COL2A1: variants seen among roughly 807,000 people sequenced by gnomAD.
The protein encoded by COL2A1 is collagen alpha-1(II) chain.
In COL2A1, 28 loss-of-function variants were observed where a neutral mutation model predicts 204.5. The observed-to-expected ratio is 0.14, with a 90% CI of 0.10 to 0.19. The LOEUF (loss-of-function observed/expected upper bound fraction) is 0.19, where lower values mean the gene tolerates loss of function less well. COL2A1 is among the 10% of genes least tolerant of loss of function. The pLI is 1.00. For synonymous variants in COL2A1, 708 were observed against 718.7 expected, an observed-to-expected ratio of 0.99 and a Z score of 0.24; for missense variants, 1,388 against 2,027.5, an observed-to-expected ratio of 0.68 and a Z score of 6.06.
intron 2 of COL2A1, among the ~76,000 whole-genome samples, chr12:47,999,300 G>A (rs1004600082): frequency 5.3e-5 from 8 of 152,184 alleles, no homozygotes; most frequent in African/African-American, 1.9e-4. Flanking sequence ...GATACATGGG[G>A]CTCTGTCTCC....
At chr12:47,989,325 T>C in intron 17 of COL2A1, 44 bp from the exon 18 acceptor site, 1 of 1,572,140 alleles carries the variant, frequency 6.4e-7, no homozygotes, top group Non-Finnish European at 8.7e-7. Flanking sequence ...ATGCCAGTTC[T>C]GGCCTCCAAA....
intron 11 of COL2A1, 59 bp downstream of exon 11, chr12:47,995,195 AC>A: frequency 6.8e-7 from 1 of 1,473,784 alleles, no homozygotes; most frequent in South Asian, 1.1e-5. Context: ...CCAAGCACAC[AC>A]CCTCTCCAGG....
rs2136511979 is a variant in COL2A1, at chr12:47,975,498, G to A, written c.3705C>T (p.Pro1235=). 6.2e-7 allele frequency: 1 copy of A among 1,613,064 alleles called. No individual in the cohort carries two copies. Among genetic ancestry groups the A allele is most frequent in the Non-Finnish European group, 8.5e-7 (1 of 1,180,022 alleles). The change falls in exon 51 of 54, where the codon CCC becomes CCT. Residue 1235 remains proline (P), a synonymous_variant. Coordinates refer to ENST00000380518, the MANE Select transcript of COL2A1 (RefSeq NM_001844.5). ...CCTGGTCGGCCCGCATGTACTGCAG[G>A]GGGTCGGGGCCCTTCTCTCTCGGGC... ...GLGPREKGPD[P]LQYMRADQAA...
At chr12:47,979,901 A>G in intron 40 of COL2A1, 108 bp downstream of exon 40, 1 of 1,038,756 alleles carries the variant, frequency 9.6e-7, no homozygotes, top group African/African-American at 1.6e-5. Context: ...GGACCAACGC[A>G]GGGCTGGGAA....
At chr12:47,982,699 C>T in intron 33 of COL2A1, 90 bp from the exon 34 acceptor site, 2 of 1,267,552 alleles carry the variant, frequency 1.6e-6, no homozygotes, top group East Asian at 2.4e-5. Context: ...GGCCCCAAAC[C>T]CCTCTTCCTT....
At chr12:47,984,925 C>T (rs1208155568) in intron 27 of COL2A1, 70 bp downstream of exon 27, 4 of 1,351,360 alleles carry the variant, frequency 3.0e-6, no homozygotes, top group Non-Finnish European at 4.2e-6. Context: ...GGACCCAGCC[C>T]TTTCCCCAAG....
Position 47,976,607 on chromosome 12 carries a change from G to A in COL2A1, c.3436-40C>T. ...GAGGCAAAAGGCCACGGTCAGCACA[G>A]ACATATCTATCTATATTCTGGGAGC... On this transcript the variant is annotated intron_variant, in intron 48 of 53. Transcript: ENST00000380518. The surrounding 1 kb of genome is among the most constrained non-coding windows in gnomAD (Gnocchi z 4.3). 6.2e-7 allele frequency: 1 copy of A among 1,600,768 alleles called. No homozygotes were observed. The highest frequency in any genetic ancestry group is 8.6e-7 in the Non-Finnish European group (1 of 1,167,850).
At chr12:48,000,262 A>T (rs2136638186) in intron 1 of COL2A1, 137 bp from the exon 2 acceptor site, 1 of 668,792 alleles carries the variant, frequency 1.5e-6, no homozygotes, top group Non-Finnish European at 2.7e-6. Context: ...CCACCTGGAC[A>T]TATAGAACTT....
chr12:47,996,872 G>A (rs1350622220), intron 7 of COL2A1, among the ~76,000 whole-genome samples: 1 of 152,182 alleles, frequency 6.6e-6, no homozygotes, highest in East Asian at 1.9e-4. Context: ...TCAGTTCCTT[G>A]CATTTCATTT....
chr12:47,978,630 G>T lies in COL2A1; in HGVS notation c.2862C>A (p.Gly954=), dbSNP rs367806541. The part of the protein sequence containing the change: ...PGLQGPAGPP[G]EKGEPGDDGP... The stretch of plus-strand genomic sequence containing the variant: ...CGTCATCTCCAGGCTCTCCCTTCTC[G>T]CCAGGGGGTCCAGCAGGACCTTGGA... The change falls in exon 42 of 54, where the codon GGC becomes GGA. Residue 954 remains glycine, a synonymous_variant. Coordinates refer to ENST00000380518, the MANE Select transcript of COL2A1 (RefSeq NM_001844.5). This position sits in a 1 kb window ranked among gnomAD's most constrained non-coding sequence, Gnocchi z 5.5. 4 of 1,613,342 alleles carry T rather than the reference G, an allele frequency of 2.5e-6. No homozygotes were observed. Among genetic ancestry groups the T allele is most frequent in the East Asian group, 2.2e-5 (1 of 44,890 alleles).
chr12:47,989,011 T>G (rs1023733956), intron 18 of COL2A1, among the ~76,000 whole-genome samples: 25 of 152,236 alleles, frequency 1.6e-4, no homozygotes, highest in Non-Finnish European at 2.2e-4. Context: ...TAACTGGATC[T>G]CCCACATTTT....
intron 29 of COL2A1, 137 bp downstream of exon 29, chr12:47,983,950 C>T: frequency 1.0e-6 from 1 of 971,718 alleles, no homozygotes; most frequent in South Asian, 1.4e-5. Flanking sequence ...CACCCTGCCT[C>T]AGCTCAGAGT....
chr12:47,983,326 G>A (rs1939200522), intron 31 of COL2A1, 59 bp downstream of exon 31: 1 of 1,581,684 alleles, frequency 6.3e-7, no homozygotes, highest in African/African-American at 1.3e-5. Context: ...TGCCTCCTAG[G>A]CATCAGAAAA....
At chr12:47,994,299 T>C in intron 12 of COL2A1, 125 bp downstream of exon 12, 1 of 1,102,238 alleles carries the variant, frequency 9.1e-7, no homozygotes, top group South Asian at 1.3e-5. Context: ...ATGGTCGTGA[T>C]AAATATAGGG....
Position 47,978,037 on chromosome 12 carries a change from C to A in COL2A1, c.3084G>T (p.Thr1028=), listed in dbSNP as rs142786064. The A allele has an allele frequency of 1.4e-4, 219 of 1,613,520 alleles. 1 individual carries two copies. The highest frequency in any genetic ancestry group is 1.8e-4 in the Non-Finnish European group (209 of 1,179,976). The change falls in exon 44 of 54, where the codon ACG becomes ACT. Residue 1028 remains threonine (T), a synonymous_variant. Transcript: ENST00000380518. This position sits in a 1 kb window ranked among gnomAD's most constrained non-coding sequence, Gnocchi z 5.5. ...PPGPVGPPGL[T]GPAGEPGREG... ...CTCGTCCAGGTTCACCTGCAGGACC[C>A]GTCAGGCCAGGAGGACCCACGGGGC...
At position 47,986,576 on chromosome 12, in the gene COL2A1, T is replaced by C. The variant is rs776896855; in HGVS notation, c.1420-133A>G. 8.8e-4 allele frequency: 637 copies of C among 721,368 alleles called. 1 individual carries two copies. The highest frequency in any genetic ancestry group is 1.3e-3 in the Non-Finnish European group (559 of 420,252). The allele number at this position is 721,368 out of a possible 1,614,324, so 44.7% of individuals were successfully genotyped here. Reference sequence around the variant, plus strand: ...GGGGGGGCTTGAGGACGAGAGGCCATAAAGGACGAGCCATGGCAGGGCAGA... The same window carrying C: ...GGGGGGGCTTGAGGACGAGAGGCCACAAAGGACGAGCCATGGCAGGGCAGA... On this transcript the variant is annotated intron_variant, in intron 22 of 53. Transcript: ENST00000380518.
At chr12:47,979,988 G>A (rs1360323917) in intron 40 of COL2A1, 21 bp downstream of exon 40, 1 of 1,549,394 alleles carries the variant, frequency 6.5e-7, no homozygotes, top group Non-Finnish European at 8.7e-7. Flanking sequence ...TGCAGGGTGG[G>A]GTGTCAGAGG....
In COL2A1 at chr12:47,981,391, T is replaced by G. The variant is rs772628060; in HGVS notation, c.2415A>C (p.Glu805Asp). Residue 805 changes from glutamate to aspartate, a missense_variant, in exon 37 of 54, where the codon GAA becomes GAC. Glu to Asp is a conservative substitution (Grantham distance 45, BLOSUM62 2). Around this residue, in one of 3 missense-constraint regions of COL2A1, gnomAD observed 884 missense variants for 1,415.8 expected, o/e 0.62. Coordinates refer to ENST00000380518, the MANE Select transcript of COL2A1 (RefSeq NM_001844.5). The stretch of plus-strand genomic sequence containing the variant: ...TTCCTGCAGGACCAGGAGGTCCAAC[T>G]TCTCCCTGAGGGTGGGGAAGGGAGG... ...GPAGANGEKG[E>D]VGPPGPAGSA... 3 of 1,611,692 alleles carry G rather than the reference T, an allele frequency of 1.9e-6. No homozygotes were observed. The highest frequency in any genetic ancestry group is 2.5e-6 in the Non-Finnish European group (3 of 1,179,450).
chr12:47,983,163 G>A, intron 31 of COL2A1, 26 bp from the exon 32 acceptor site: 1 of 1,611,174 alleles, frequency 6.2e-7, no homozygotes, highest in African/African-American at 1.3e-5. Context: ...AGATGTGTGA[G>A]AGTGAAGGCT....
Sources: gnomAD v4.1 joint callset for allele counts (sites outside exome capture counted in the v4.1 genomes callset) on GRCh38, gnomAD v4.1.1 for gene constraint, gnomAD v4.1.1 regional missense constraint, Gnocchi (gnomAD v3.1) non-coding constraint, MANE v1.5 for transcripts, NCBI Gene and HGNC (gene_info 2026-07-23, HGNC 2026-07-21) for gene names.